Variants in MYO3B observed in about 807,000 individuals in gnomAD.
MYO3B encodes the protein myosin-IIIb.
Under a neutral mutation model 174.6 loss-of-function variants are expected in MYO3B, and 156 were observed. That is an observed-to-expected ratio of 0.89 (90% CI 0.78 to 1.02). The LOEUF is 1.02. Among genes scored for constraint, MYO3B ranks in the 50% least tolerant of loss-of-function variants. The pLI, the probability that MYO3B is intolerant of heterozygous loss-of-function variation, is 0.00. For missense variants in MYO3B, 1,632 were observed against 1,639.4 expected (o/e 1.00, Z 0.08); for synonymous variants, 563 against 569.1 (o/e 0.99, Z 0.15).
chr2:170,300,709 A>G (rs1056211711), intron 7 of MYO3B, among the ~76,000 whole-genome samples: 3 of 152,336 alleles, frequency 2.0e-5, no homozygotes, highest in South Asian at 2.1e-4. Flanking sequence ...GGCTATTTTC[A>G]CCTTGGCACA....
chr2:170,628,518 G>T (rs1696661432), intron 32 of MYO3B, among the ~76,000 whole-genome samples: 1 of 152,338 alleles, frequency 6.6e-6, no homozygotes, highest in East Asian at 1.9e-4. Flanking sequence ...GCCTTGCCCT[G>T]CTTTGGCTCA....
At chr2:170,611,235 C>T (rs1324373640) in intron 32 of MYO3B, among the ~76,000 whole-genome samples, 1 of 152,200 alleles carries the variant, frequency 6.6e-6, no homozygotes, top group Non-Finnish European at 1.5e-5. Context: ...TAAAAACACT[C>T]TGCCTCAAAA....
At chr2:170,573,631 A>G (rs1248942609) in intron 32 of MYO3B, among the ~76,000 whole-genome samples, 1 of 152,168 alleles carries the variant, frequency 6.6e-6, no homozygotes, top group Non-Finnish European at 1.5e-5. Flanking sequence ...ATTTTGTACC[A>G]TTATTAAATA....
intron 6 of MYO3B, among the ~76,000 whole-genome samples, chr2:170,235,374 T>C (rs1362454693): frequency 6.6e-6 from 1 of 152,196 alleles, no homozygotes; most frequent in Non-Finnish European, 1.5e-5. Context: ...CCAGGGTCAT[T>C]TTCTGGTTCT....
At chr2:170,626,882 CTCTTCTGGCTTGTAGA>C (rs1214705303) in intron 32 of MYO3B, among the ~76,000 whole-genome samples, 1 of 152,204 alleles carries the variant, frequency 6.6e-6, no homozygotes, top group Non-Finnish European at 1.5e-5. Context: ...GGCCCCCACT[CTCTTCTGGCTTGTAGA>C]GTTTCTGCTG....
intron 7 of MYO3B, among the ~76,000 whole-genome samples, chr2:170,327,028 C>A (rs1376193243): frequency 6.6e-6 from 1 of 152,148 alleles, no homozygotes; most frequent in African/African-American, 2.4e-5. Context: ...GTGATTATAG[C>A]CTAACATTGC....
intron 15 of MYO3B, 48 bp from the exon 16 acceptor site, chr2:170,392,333 T>C: frequency 7.3e-7 from 1 of 1,369,926 alleles, no homozygotes; most frequent in Non-Finnish European, 1.0e-6. Flanking sequence ...CCTGTACTAC[T>C]TTCCAAGTCA....
At chr2:170,426,846 C>T (rs917420021) in intron 22 of MYO3B, among the ~76,000 whole-genome samples, 8 of 151,640 alleles carry the variant, frequency 5.3e-5, no homozygotes, top group Admixed American at 6.6e-5. Context: ...AGTGAAACCC[C>T]GTCTCTACTA....
chr2:170,519,677 A>T, intron 30 of MYO3B, 137 bp downstream of exon 30: 1 of 761,494 alleles, frequency 1.3e-6, no homozygotes, highest in Non-Finnish European at 2.1e-6. Context: ...GTGGAACCAA[A>T]AAGCGTTTCC....
intron 28 of MYO3B, among the ~76,000 whole-genome samples, chr2:170,508,787 A>C (rs1282339908): frequency 3.3e-5 from 5 of 152,234 alleles, no homozygotes; most frequent in African/African-American, 1.2e-4. Context: ...AATGATGGCT[A>C]TGCTGCCATT....
At chr2:170,382,853 T>TG (rs1296667788) in intron 10 of MYO3B, 5 of 419,120 alleles carry the variant, frequency 1.2e-5, no homozygotes, top group African/African-American at 8.1e-5. Context: ...AAGTCCTAAG[T>TG]GGGCCTAATT....
intron 22 of MYO3B, among the ~76,000 whole-genome samples, chr2:170,441,707 TG>T (rs2105907559): frequency 6.6e-6 from 1 of 152,338 alleles, no homozygotes; most frequent in East Asian, 1.9e-4. Context: ...AACTTCCTGA[TG>T]TTGCCATGCA....
intron 32 of MYO3B, among the ~76,000 whole-genome samples, chr2:170,552,841 C>T (rs531426503): frequency 6.6e-6 from 1 of 152,146 alleles, no homozygotes; most frequent in Non-Finnish European, 1.5e-5. Context: ...CTGGGCTGGG[C>T]CCAGGGTCCC....
chr2:170,287,929 A>G (rs958442727), intron 7 of MYO3B, among the ~76,000 whole-genome samples: 4 of 152,090 alleles, frequency 2.6e-5, no homozygotes, highest in East Asian at 1.9e-4. Flanking sequence ...GTCTAGTTTC[A>G]TTCTTCTACA....
chr2:170,468,203 C>G (rs1020749959), intron 25 of MYO3B, among the ~76,000 whole-genome samples: 1 of 152,172 alleles, frequency 6.6e-6, no homozygotes, highest in Admixed American at 6.5e-5. Context: ...GCAGTTTTCT[C>G]CCTTGATGTT....
At chr2:170,323,981 G>A (rs1284926101) in intron 7 of MYO3B, among the ~76,000 whole-genome samples, 1 of 152,150 alleles carries the variant, frequency 6.6e-6, no homozygotes, top group Non-Finnish European at 1.5e-5. Context: ...GTGAGAAATT[G>A]GGGCCCAGAA....
chr2:170,375,648 A>G (rs111999897), intron 9 of MYO3B, among the ~76,000 whole-genome samples: 320 of 151,734 alleles, frequency 2.1e-3, no homozygotes, highest in African/African-American at 7.5e-3. Context: ...ATTTCTCACT[A>G]TTTAACTGCT....
At chr2:170,451,204 C>T (rs530279917) in intron 23 of MYO3B, among the ~76,000 whole-genome samples, 27 of 152,348 alleles carry the variant, frequency 1.8e-4, no homozygotes, top group Non-Finnish European at 3.2e-4. Flanking sequence ...GTACATGTTA[C>T]ACTATTAACT....
intron 32 of MYO3B, among the ~76,000 whole-genome samples, chr2:170,619,022 G>A (rs150564644): frequency 0.058 from 8,799 of 152,160 alleles, 859 homozygotes; most frequent in African/African-American, 0.2. Flanking sequence ...AACAATCCAC[G>A]GAAACAGGAT....
Sources: allele counts gnomAD v4.1 joint callset (sites outside exome capture counted in the v4.1 genomes callset), GRCh38; gene constraint gnomAD v4.1.1; transcripts MANE v1.5; gene names NCBI Gene and HGNC (gene_info 2026-07-23, HGNC 2026-07-21).